Variants in TAOK3 observed in about 807,000 individuals in gnomAD.
TAOK3 encodes TAO kinase 3, also known as serine/threonine-protein kinase TAO3.
TAOK3 carries 40 observed loss-of-function variants against 120.4 expected under a neutral mutation model. The ratio of observed to expected loss-of-function variants is 0.33; its 90% CI spans 0.26 to 0.43. TAOK3 has a LOEUF of 0.43. TAOK3 is among the 20% of genes least tolerant of loss of function. The pLI is 1.00. For missense variants in TAOK3, 821 were observed against 1,112.1 expected (o/e 0.74, Z 3.72); for synonymous variants, 355 against 387.5 (o/e 0.92, Z 0.99).
At chr12:118,229,859 A>C (rs1013616295) in intron 9 of TAOK3, among the ~76,000 whole-genome samples, 2 of 152,100 alleles carry the variant, frequency 1.3e-5, no homozygotes, top group African/African-American at 4.8e-5. Flanking sequence ...TGAACCTGGG[A>C]GGTGGAGGTT....
intron 1 of TAOK3, among the ~76,000 whole-genome samples, chr12:118,356,794 T>C (rs1191882725): frequency 6.6e-6 from 1 of 152,090 alleles, no homozygotes; most frequent in Admixed American, 6.5e-5. Context: ...TGGTGGCACA[T>C]GCCTGTAGTC....
chr12:118,162,148 T>C (rs2035262483), intron 17 of TAOK3, 121 bp from the exon 18 acceptor site: 1 of 1,259,748 alleles, frequency 7.9e-7, no homozygotes, highest in Non-Finnish European at 1.1e-6. Flanking sequence ...TTAAACCCAT[T>C]AGTGTTTGGC....
At chr12:118,181,660 C>T (rs1225647352) in intron 14 of TAOK3, 53 bp from the exon 15 acceptor site, 1 of 1,515,536 alleles carries the variant, frequency 6.6e-7, no homozygotes. Flanking sequence ...GGGAGACAAG[C>T]TTTCATGCAA....
intron 17 of TAOK3, among the ~76,000 whole-genome samples, chr12:118,169,661 C>T (rs1465769649): frequency 6.6e-6 from 1 of 151,876 alleles, no homozygotes; most frequent in Non-Finnish European, 1.5e-5. Flanking sequence ...CTGTTTCTAC[C>T]ACATCTTCAT....
chr12:118,249,422 C>T (rs1378788162), intron 3 of TAOK3, among the ~76,000 whole-genome samples: 4 of 151,804 alleles, frequency 2.6e-5, no homozygotes, highest in South Asian at 2.1e-4. Flanking sequence ...ATTAGCAGGG[C>T]GTGGTGGCAC....
intron 1 of TAOK3, among the ~76,000 whole-genome samples, chr12:118,362,994 G>C (rs2045642779): frequency 7.8e-6 from 1 of 128,646 alleles, no homozygotes; most frequent in African/African-American, 3.0e-5. Flanking sequence ...ACTCCAGCCT[G>C]GGCAACAGAG....
intron 8 of TAOK3, 140 bp downstream of exon 8, chr12:118,235,418 G>T: frequency 1.7e-6 from 1 of 587,352 alleles, no homozygotes. Flanking sequence ...ATGCCAGTGG[G>T]CTTTCTATCC....
rs1333427299 is a variant in TAOK3, at chr12:118,233,564, T to C, written c.643+110A>G. On this transcript the variant is annotated intron_variant, in intron 9 of 20. Coordinates refer to ENST00000392533, the MANE Select transcript of TAOK3 (RefSeq NM_016281.4). ...CATATACCAGTAACTCATTAAGTAA[T>C]AGCCAGATGAATAACTCCTAATCAT... is the stretch of plus-strand genomic sequence containing the variant. The C allele has an allele frequency of 1.2e-5, 10 of 845,326 alleles. No individual in the cohort carries two copies. The Admixed American group carries it at 1.8e-4, about 15-fold the overall frequency. The allele number at this position is 845,326 out of a possible 1,614,324, so 52.4% of individuals were successfully genotyped here.
intron 14 of TAOK3, among the ~76,000 whole-genome samples, chr12:118,186,152 TAA>T (rs963248904): frequency 6.6e-6 from 1 of 152,206 alleles, no homozygotes; most frequent in African/African-American, 2.4e-5. Context: ...CAAAGCGAAG[TAA>T]AAGACTCTAT....
chr12:118,178,781 A>G (rs1214276214), intron 15 of TAOK3, among the ~76,000 whole-genome samples: 1 of 152,232 alleles, frequency 6.6e-6, no homozygotes, highest in Non-Finnish European at 1.5e-5. Context: ...AATCCACAAC[A>G]GTCACACATC....
At chr12:118,339,658 C>T (rs794305) in intron 1 of TAOK3, among the ~76,000 whole-genome samples, 1 of 151,706 alleles carries the variant, frequency 6.6e-6, no homozygotes, top group East Asian at 1.9e-4. Flanking sequence ...CTCCACCTCC[C>T]GGGTTCAAGC....
rs577331732 is a variant in TAOK3 at position 118,258,713 on chromosome 12, TA to T, written c.-88-3059del. On this transcript the variant is annotated intron_variant, in intron 2 of 20. Coordinates refer to ENST00000392533, the MANE Select transcript of TAOK3 (RefSeq NM_016281.4). ...GTGATGACAGAGCAAGACTCTGTCATAAAAAAAAAAAAAGCTCAAAAAGCAT... is the reference window on the plus strand; with the variant it reads ...GTGATGACAGAGCAAGACTCTGTCATAAAAAAAAAAAAGCTCAAAAAGCAT... Among the ~76,000 whole-genome samples, 770 of 130,366 alleles carry T rather than the reference TA, an allele frequency of 5.9e-3. 4 individuals carry two copies. Among genetic ancestry groups the T allele is most frequent in the African/African-American group, 0.016 (558 of 34,718 alleles). 85.5% of individuals were successfully genotyped at this position (130,366 alleles called of 152,430 possible). A position where few individuals can be genotyped will look rare whatever the true frequency, so the allele number is the denominator to read the frequency against.
intron 1 of TAOK3, among the ~76,000 whole-genome samples, chr12:118,332,829 G>A (rs1028548124): frequency 2.0e-5 from 3 of 151,946 alleles, no homozygotes; most frequent in Admixed American, 1.3e-4. Context: ...ATAGATACTC[G>A]AGTAGCTATA....
intron 19 of TAOK3, among the ~76,000 whole-genome samples, chr12:118,155,002 T>C (rs1454652335): frequency 1.4e-5 from 2 of 144,190 alleles, no homozygotes; most frequent in Non-Finnish European, 3.0e-5. Context: ...AATATATATA[T>C]ATATTTTTTT....
chr12:118,190,830 T>C (rs532089659), intron 13 of TAOK3, among the ~76,000 whole-genome samples: 2 of 152,298 alleles, frequency 1.3e-5, no homozygotes, highest in Non-Finnish European at 2.9e-5. Flanking sequence ...AAGGGGAAAA[T>C]GCTTTCAAAG....
chr12:118,207,083 T>G (rs907625985), intron 11 of TAOK3, among the ~76,000 whole-genome samples: 9 of 152,010 alleles, frequency 5.9e-5, no homozygotes, highest in African/African-American at 1.9e-4. Context: ...TCCCAGCACC[T>G]TGGGAGGCCG....
intron 1 of TAOK3, among the ~76,000 whole-genome samples, chr12:118,298,426 G>T (rs1341612805): frequency 6.6e-6 from 1 of 152,100 alleles, no homozygotes; most frequent in Non-Finnish European, 1.5e-5. Flanking sequence ...ATAACCTTTA[G>T]AAAATCACTG....
intron 9 of TAOK3, among the ~76,000 whole-genome samples, chr12:118,219,003 CG>C (rs1451872156): frequency 6.6e-6 from 1 of 152,146 alleles, no homozygotes; most frequent in Non-Finnish European, 1.5e-5. Context: ...GAACTCATCA[CG>C]TAACCATCAA....
intron 1 of TAOK3, among the ~76,000 whole-genome samples, chr12:118,357,051 A>G (rs2045426911): frequency 6.6e-6 from 1 of 152,236 alleles, no homozygotes; most frequent in South Asian, 2.1e-4. Flanking sequence ...TACCAGTGAA[A>G]CTAACCTTTA....
Sources: allele counts gnomAD v4.1 joint callset (sites outside exome capture counted in the v4.1 genomes callset), GRCh38; gene constraint gnomAD v4.1.1; transcripts MANE v1.5; gene names NCBI Gene and HGNC (gene_info 2026-07-23, HGNC 2026-07-21).